CDH18: variants seen among roughly 807,000 people sequenced by gnomAD.
The protein encoded by CDH18 is cadherin 18, also known as cadherin-18.
Under a neutral mutation model 67.9 loss-of-function variants are expected in CDH18, and 31 were observed. The ratio of observed to expected loss-of-function variants is 0.46; its 90% confidence interval spans 0.34 to 0.62. The LOEUF is 0.62. Among genes scored for constraint, CDH18 ranks in the 20% least tolerant of loss-of-function variants. CDH18 has a pLI of 0.01. For missense variants in CDH18, 890 were observed against 975.5 expected (o/e 0.91, Z 1.17); for synonymous variants, 362 against 347.2 (o/e 1.04, Z -0.48).
chr5:20,219,790 A>T (rs1012302348), intron 2 of CDH18, among the ~76,000 whole-genome samples: 3 of 149,332 alleles, frequency 2.0e-5, no homozygotes, highest in East Asian at 1.9e-4. Flanking sequence ...CCTTCATGAT[A>T]AAAAAATCCT....
chr5:20,417,108 T>C (rs1272479091), intron 1 of CDH18, among the ~76,000 whole-genome samples: 7 of 152,264 alleles, frequency 4.6e-5, no homozygotes, highest in African/African-American at 1.4e-4. Context: ...TATAGTTAAG[T>C]GGCTAGCCTG....
intron 1 of CDH18, among the ~76,000 whole-genome samples, chr5:20,358,374 G>C (rs921036280): frequency 2.6e-5 from 4 of 152,122 alleles, no homozygotes; most frequent in African/African-American, 9.7e-5. Context: ...ATTGAAAGTA[G>C]TTTGACATAA....
At chr5:19,486,794 CTAAA>C (rs199784033) in intron 11 of CDH18, among the ~76,000 whole-genome samples, 3 of 150,350 alleles carry the variant, frequency 2.0e-5, no homozygotes, top group Admixed American at 6.7e-5. Context: ...GACTCTGTCT[CTAAA>C]TAAATAAATA....
At chr5:20,088,500 T>C (rs1341974692) in intron 2 of CDH18, among the ~76,000 whole-genome samples, 2 of 152,176 alleles carry the variant, frequency 1.3e-5, no homozygotes, top group African/African-American at 2.4e-5. Flanking sequence ...CCTGGATGAC[T>C]AAGGAAGCAT....
intron 2 of CDH18, among the ~76,000 whole-genome samples, chr5:20,188,420 C>T (rs765406374): frequency 6.6e-6 from 1 of 151,852 alleles, no homozygotes; most frequent in South Asian, 2.1e-4. Flanking sequence ...TTATCCATAC[C>T]CACATTGGTA....
chr5:19,520,413 G>T (rs1341912324), intron 10 of CDH18, among the ~76,000 whole-genome samples: 2 of 152,038 alleles, frequency 1.3e-5, no homozygotes, highest in East Asian at 3.9e-4. Context: ...CATTTTATTG[G>T]TATAATTTGT....
intron 2 of CDH18, among the ~76,000 whole-genome samples, chr5:20,237,041 C>T (rs987001717): frequency 2.6e-5 from 4 of 151,844 alleles, no homozygotes; most frequent in African/African-American, 7.2e-5. Flanking sequence ...AGAAAAAAAT[C>T]AATCAAAATG....
intron 2 of CDH18, among the ~76,000 whole-genome samples, chr5:20,060,982 A>T (rs1279236385): frequency 2.0e-5 from 3 of 151,994 alleles, no homozygotes; most frequent in African/African-American, 7.2e-5. Flanking sequence ...TAGAAAGCTG[A>T]TTTCTATTTG....
chr5:19,916,771 T>G (rs1017827724), intron 2 of CDH18, among the ~76,000 whole-genome samples: 5 of 152,214 alleles, frequency 3.3e-5, no homozygotes, highest in African/African-American at 2.4e-5. Context: ...GAAGGGCGTT[T>G]AATTTTTTGA....
At chr5:19,758,535 G>A (rs1771925172) in intron 3 of CDH18, among the ~76,000 whole-genome samples, 1 of 152,188 alleles carries the variant, frequency 6.6e-6, no homozygotes, top group Non-Finnish European at 1.5e-5. Flanking sequence ...CTGTTGCAGA[G>A]CCTTCTCCTG....
intron 7 of CDH18, among the ~76,000 whole-genome samples, chr5:19,586,936 A>G (rs1477980778): frequency 6.6e-6 from 1 of 151,954 alleles, no homozygotes; most frequent in African/African-American, 2.4e-5. Flanking sequence ...TGTGGTTTAG[A>G]TTTGCATTTC....
At chr5:19,982,782 C>A (rs1412040963) in intron 1 of CDH18, among the ~76,000 whole-genome samples, 1 of 152,108 alleles carries the variant, frequency 6.6e-6, no homozygotes, top group East Asian at 1.9e-4. Flanking sequence ...CCATGGCTCA[C>A]ACCTGTAATC....
At chr5:19,489,444 TCAC>T (rs1740984225) in intron 11 of CDH18, among the ~76,000 whole-genome samples, 1 of 151,972 alleles carries the variant, frequency 6.6e-6, no homozygotes, top group African/African-American at 2.4e-5. Flanking sequence ...AGACAGGGTT[TCAC>T]CATGTTGGCC....
At chr5:20,350,989 G>T (rs578054008) in intron 1 of CDH18, among the ~76,000 whole-genome samples, 1 of 151,600 alleles carries the variant, frequency 6.6e-6, no homozygotes, top group Non-Finnish European at 1.5e-5. Context: ...AAAAAAAGGA[G>T]AACTTTTTCA....
At chr5:20,380,502 G>A (rs552165553) in intron 1 of CDH18, among the ~76,000 whole-genome samples, 1 of 152,112 alleles carries the variant, frequency 6.6e-6, no homozygotes, top group East Asian at 1.9e-4. Flanking sequence ...ACTTAACCAC[G>A]GTTTTTAGCA....
intron 1 of CDH18, among the ~76,000 whole-genome samples, chr5:20,486,681 G>GTATATATATATATATATATATATATATA (rs750113034): frequency 1.1e-4 from 14 of 122,606 alleles, no homozygotes; most frequent in Non-Finnish European, 1.2e-4. Context: ...TGCTATTTTT[G>GTATATATATATATATATATATATATATA]TATATATATA....
chr5:19,961,747 C>T (rs4866163), intron 2 of CDH18, among the ~76,000 whole-genome samples: 90,455 of 151,840 alleles, frequency 0.6, 27,288 homozygotes, highest in Middle Eastern at 0.71. Flanking sequence ...TTTAATGTTT[C>T]GATACATACC....
chr5:19,760,194 T>A (rs1458358763), intron 3 of CDH18, among the ~76,000 whole-genome samples: 1 of 152,124 alleles, frequency 6.6e-6, no homozygotes, highest in East Asian at 1.9e-4. Context: ...GTATTTAAAT[T>A]TTATAGTTGA....
At chr5:19,854,109 C>T (rs530931430) in intron 2 of CDH18, among the ~76,000 whole-genome samples, 1 of 152,188 alleles carries the variant, frequency 6.6e-6, no homozygotes, top group East Asian at 1.9e-4. Flanking sequence ...CAACTTTACT[C>T]ATGAGACATG....
Sources: allele counts gnomAD v4.1 joint callset (sites outside exome capture counted in the v4.1 genomes callset), GRCh38; gene constraint gnomAD v4.1.1; transcripts MANE v1.5; gene names NCBI Gene and HGNC (gene_info 2026-07-23, HGNC 2026-07-21).